JAK2: variants seen among roughly 807,000 people sequenced by gnomAD.
JAK2 encodes the protein tyrosine-protein kinase JAK2.
A neutral mutation model predicts 139.3 loss-of-function variants in JAK2; 86 were observed. The observed-to-expected ratio is 0.62, with a 90% CI of 0.52 to 0.74. JAK2 has a LOEUF of 0.74. Ranked by LOEUF, JAK2 falls within the 30% of genes least tolerant of loss-of-function variation. JAK2 has a pLI of 0.00. For missense variants in JAK2, 1,421 were observed against 1,360.3 expected (o/e 1.04, Z -0.70); for synonymous variants, 490 against 437.7 (o/e 1.12, Z -1.49).
chr9:5,013,853 G>A (rs895707493), intron 2 of JAK2, among the ~76,000 whole-genome samples: 33 of 151,950 alleles, frequency 2.2e-4, no homozygotes, highest in Admixed American at 3.9e-4. Flanking sequence ...GAGGAACAGC[G>A]GAAATTTAAT....
At chr9:5,040,396 G>C (rs1816394452) in intron 4 of JAK2, among the ~76,000 whole-genome samples, 1 of 152,128 alleles carries the variant, frequency 6.6e-6, no homozygotes, top group African/African-American at 2.4e-5. Flanking sequence ...AGATTAGGCA[G>C]TGGTTTCTTA....
chr9:5,042,567 GA>G (rs1816669798), intron 4 of JAK2, among the ~76,000 whole-genome samples: 1 of 152,080 alleles, frequency 6.6e-6, no homozygotes, highest in African/African-American at 2.4e-5. Flanking sequence ...TTGCTGAAGT[GA>G]GTAGTGGGAT....
At chr9:5,002,453 G>T (rs1820980279) in intron 2 of JAK2, among the ~76,000 whole-genome samples, 1 of 151,812 alleles carries the variant, frequency 6.6e-6, no homozygotes, top group Admixed American at 6.6e-5. Flanking sequence ...ATAGTTTTTT[G>T]ATATTTATTT....
intron 2 of JAK2, among the ~76,000 whole-genome samples, chr9:5,010,061 C>T (rs925221630): frequency 6.6e-6 from 1 of 152,150 alleles, no homozygotes. Flanking sequence ...CATGAGCCAT[C>T]GCACCTAGCC....
intron 2 of JAK2, among the ~76,000 whole-genome samples, chr9:5,020,977 A>G (rs948569651): frequency 1.3e-5 from 2 of 152,044 alleles, no homozygotes; most frequent in Admixed American, 6.5e-5. Context: ...CTCTAAAGCA[A>G]TGTCATTGTG....
At chr9:5,111,558 C>T in intron 22 of JAK2, 1 of 365,756 alleles carries the variant, frequency 2.7e-6, no homozygotes, top group South Asian at 2.1e-5. Context: ...TTCTACATGG[C>T]AGATGGCAGC....
chr9:5,005,067 C>T (rs1821191753), intron 2 of JAK2, among the ~76,000 whole-genome samples: 1 of 129,970 alleles, frequency 7.7e-6, no homozygotes. Flanking sequence ...CAGGCATGTG[C>T]CAGCATGCCT....
intron 2 of JAK2, among the ~76,000 whole-genome samples, chr9:4,996,854 A>G (rs1820593698): frequency 6.6e-6 from 1 of 151,992 alleles, no homozygotes; most frequent in Non-Finnish European, 1.5e-5. Flanking sequence ...TATGGTGGTC[A>G]GTAAAAGTAA....
chr9:5,070,568 T>G (rs1818892794), intron 12 of JAK2, among the ~76,000 whole-genome samples: 2 of 152,072 alleles, frequency 1.3e-5, no homozygotes, highest in South Asian at 4.1e-4. Flanking sequence ...TTTAAATAAC[T>G]AATTATTTTT....
chr9:5,050,572 A>G (rs962357236), intron 5 of JAK2, 114 bp from the exon 6 acceptor site: 10 of 1,124,736 alleles, frequency 8.9e-6, no homozygotes, highest in African/African-American at 4.8e-5. Context: ...AGCCTGGCCA[A>G]TTTGTATCTT....
intron 22 of JAK2, chr9:5,112,081 T>C (rs896798249): frequency 2.4e-5 from 9 of 381,126 alleles, no homozygotes; most frequent in Admixed American, 2.1e-4. Flanking sequence ...GAGAGTAAGA[T>C]AGAAGACCAC....
At chr9:5,009,807 G>A (rs116331817) in intron 2 of JAK2, among the ~76,000 whole-genome samples, 1 of 149,802 alleles carries the variant, frequency 6.7e-6, no homozygotes, top group Non-Finnish European at 1.5e-5. Flanking sequence ...GTCTTGCTCT[G>A]TTGCCCAGGC....
At chr9:5,012,543 A>C (rs1006381679) in intron 2 of JAK2, among the ~76,000 whole-genome samples, 3 of 152,136 alleles carry the variant, frequency 2.0e-5, no homozygotes, top group Admixed American at 6.5e-5. Context: ...TGAACTTCTC[A>C]TTAAGGGAGG....
At chr9:5,085,913 C>A in intron 19 of JAK2, 1 of 1,018,658 alleles carries the variant, frequency 9.8e-7, no homozygotes, top group East Asian at 2.4e-5. Context: ...TACCCTCATA[C>A]AGACCTTTCA....
chr9:5,068,082 C>T (rs1423020432), intron 10 of JAK2, among the ~76,000 whole-genome samples: 1 of 151,652 alleles, frequency 6.6e-6, no homozygotes, highest in Non-Finnish European at 1.5e-5. Context: ...AGCGCTTGAA[C>T]CCGGGAGGTG....
chr9:5,027,792 C>T (rs1267859950), intron 3 of JAK2, among the ~76,000 whole-genome samples: 1 of 152,212 alleles, frequency 6.6e-6, no homozygotes, highest in East Asian at 1.9e-4. Flanking sequence ...TTTCTTTGCT[C>T]ATCCATAAAA....
chr9:5,033,127 A>G (rs1039332489), intron 4 of JAK2, among the ~76,000 whole-genome samples: 2 of 152,252 alleles, frequency 1.3e-5, no homozygotes, highest in South Asian at 2.1e-4. Flanking sequence ...GATTCAATCA[A>G]TAGGAAGAAA....
chr9:5,063,618 A>G (rs1818340734), intron 8 of JAK2, among the ~76,000 whole-genome samples: 1 of 152,090 alleles, frequency 6.6e-6, no homozygotes, highest in Non-Finnish European at 1.5e-5. Context: ...TTTAGAGAGG[A>G]TTTTTACATT....
At chr9:5,011,368 T>G (rs1821689795) in intron 2 of JAK2, among the ~76,000 whole-genome samples, 1 of 152,026 alleles carries the variant, frequency 6.6e-6, no homozygotes, top group South Asian at 2.1e-4. Context: ...AAAAAATTTT[T>G]TTGTAGAGAT....
Sources: allele counts gnomAD v4.1 joint callset (sites outside exome capture counted in the v4.1 genomes callset), GRCh38; gene constraint gnomAD v4.1.1; transcripts MANE v1.5; gene names NCBI Gene and HGNC (gene_info 2026-07-23, HGNC 2026-07-21).